Variants in WDR64 observed in about 807,000 individuals in gnomAD.
WDR64 encodes the protein WD repeat-containing protein 64.
In WDR64, 112 loss-of-function variants were observed where a neutral mutation model predicts 139.3. The ratio of observed to expected loss-of-function variants is 0.80; its 90% CI spans 0.69 to 0.94. The LOEUF is 0.94. Ranked by LOEUF, WDR64 falls within the 40% of genes least tolerant of loss-of-function variation. The pLI is 0.00. For synonymous variants in WDR64, 444 were observed against 437.7 expected (o/e 1.01, Z -0.18); for missense variants, 1,206 against 1,293.1 (o/e 0.93, Z 1.03).
chr1:241,741,480 T>C (rs1349639069), intron 11 of WDR64, 36 bp from the exon 12 acceptor site: 3 of 1,560,270 alleles, frequency 1.9e-6, no homozygotes, highest in African/African-American at 2.8e-5. Flanking sequence ...AAACTTCTAA[T>C]ATTGCATATT....
At chr1:241,772,179 T>A (rs573208093) in intron 19 of WDR64, among the ~76,000 whole-genome samples, 1 of 149,286 alleles carries the variant, frequency 6.7e-6, no homozygotes, top group East Asian at 1.9e-4. Flanking sequence ...ATGTATAAGA[T>A]TTATGAATAA....
rs553063429 is a variant in WDR64, at chr1:241,713,823, A to G, written c.1054+1942A>G. ...AAAAGAAAGACTCGACCTCAAAGACATGGGAAATTAATTATTCATAAGACT... is the reference window on the plus strand; with the variant it reads ...AAAAGAAAGACTCGACCTCAAAGACGTGGGAAATTAATTATTCATAAGACT... On this transcript the variant is annotated intron_variant, in intron 9 of 27. Coordinates refer to ENST00000437684, the MANE Select transcript of WDR64 (RefSeq NM_001367482.1). Among the ~76,000 whole-genome samples, 21 of 152,346 alleles carry G rather than the reference A, an allele frequency of 1.4e-4. No homozygotes were observed. In the East Asian group the frequency reaches 3.9e-3, roughly 28 times the overall value.
At chr1:241,790,373 T>C (rs1659177958) in intron 24 of WDR64, among the ~76,000 whole-genome samples, 1 of 151,800 alleles carries the variant, frequency 6.6e-6, no homozygotes, top group Non-Finnish European at 1.5e-5. Context: ...AATAAATAAA[T>C]GGAATGTTCT....
chr1:241,771,567 G>A, intron 18 of WDR64, 94 bp from the exon 19 acceptor site: 1 of 924,046 alleles, frequency 1.1e-6, no homozygotes, highest in South Asian at 2.9e-5. Flanking sequence ...GCTTAGAAAT[G>A]AAAATTCAAC....
chr1:241,750,227 A>C (rs1006173060), intron 14 of WDR64, among the ~76,000 whole-genome samples: 3 of 152,076 alleles, frequency 2.0e-5, no homozygotes, highest in Non-Finnish European at 4.4e-5. Flanking sequence ...TTTTCCTATG[A>C]CTCTATTACC....
In WDR64 at chr1:241,703,819, G is replaced by A. The variant is rs1248078068; in HGVS notation, c.975-7983G>A. Among the ~76,000 whole-genome samples the A allele has an allele frequency of 6.6e-6, 1 of 152,160 alleles. No homozygotes were observed. The highest frequency in any genetic ancestry group is 2.4e-5 in the African/African-American group (1 of 41,440). On this transcript the variant is annotated intron_variant, in intron 8 of 27. Coordinates refer to ENST00000437684, the MANE Select transcript of WDR64 (RefSeq NM_001367482.1). The surrounding 1 kb of genome is among the most constrained non-coding windows in gnomAD (Gnocchi z 5.9). ...GAAACTTACAATCATGGCGGAAGGT[G>A]AAAGGGAAGCAAGGACCTTCTTCAC...
chr1:241,679,890 A>G (rs1666711382), intron 6 of WDR64, among the ~76,000 whole-genome samples: 1 of 152,118 alleles, frequency 6.6e-6, no homozygotes, highest in Non-Finnish European at 1.5e-5. Flanking sequence ...TTCTTTGGGT[A>G]TACTCATGTT....
rs553547275 is a variant in WDR64, at chr1:241,660,458, A to C, written c.146-72A>C. On this transcript the variant is annotated intron_variant, in intron 1 of 27. Transcript: ENST00000437684. ...AAAGAAAATACAAGGTGAGGAAATA[A>C]AAAATGTAGCTGAAATACAAAAGGT... 2.2e-4 allele frequency: 337 copies of C among 1,502,948 alleles called. 2 individuals are homozygous for C. In the African/African-American group the frequency reaches 4.2e-3, roughly 19 times the overall value. 93.1% of individuals were successfully genotyped at this position (1,502,948 alleles called of 1,614,324 possible).
In WDR64 at chr1:241,749,657, G is replaced by C; in HGVS notation, c.1705G>C (p.Ala569Pro). The change falls in exon 14 of 28, where the codon GCC (alanine) becomes CCC (proline). Residue 569 changes from alanine to proline, a missense_variant. Coordinates refer to ENST00000437684, the MANE Select transcript of WDR64 (RefSeq NM_001367482.1). Reference sequence around the variant, plus strand: ...CCTACGACGCCTCATTTTCCTCAAAGCCCAAGAAAAACACCAGCAGCTGGT... The same window carrying C: ...CCTACGACGCCTCATTTTCCTCAAACCCCAAGAAAAACACCAGCAGCTGGT... The part of the protein sequence containing the change: ...HCLRRLIFLK[A>P]QEKHQQLVLA... 1 of 1,614,132 alleles carries C rather than the reference G, an allele frequency of 6.2e-7. No homozygotes were observed. Among genetic ancestry groups the C allele is most frequent in the South Asian group, 1.1e-5 (1 of 91,076 alleles).
intron 10 of WDR64, among the ~76,000 whole-genome samples, chr1:241,738,135 G>T (rs1415291580): frequency 1.3e-5 from 2 of 150,448 alleles, no homozygotes; most frequent in East Asian, 4.0e-4. Context: ...ATTCCTAAAG[G>T]TATACCTTTA....
At chr1:241,795,094 A>G in intron 25 of WDR64, 113 bp from the exon 26 acceptor site, 1 of 735,622 alleles carries the variant, frequency 1.4e-6, no homozygotes, top group Non-Finnish European at 2.2e-6. Context: ...GTAACAGGGA[A>G]GTCCCTTAAG....
chr1:241,690,806 A>G (rs1449597098), intron 8 of WDR64, among the ~76,000 whole-genome samples: 1 of 152,190 alleles, frequency 6.6e-6, no homozygotes, highest in Non-Finnish European at 1.5e-5. Context: ...AGAAAAGAAC[A>G]GCATCAGAGG....
At position 241,737,394 on chromosome 1, in the gene WDR64, T is replaced by C. The variant is rs79823149; in HGVS notation, c.1195-969T>C. Among the ~76,000 whole-genome samples the C allele has an allele frequency of 3.2e-3, 488 of 152,322 alleles. 2 individuals carry two copies. The highest frequency in any genetic ancestry group is 6.8e-3 in the Middle Eastern group (2 of 294). On this transcript the variant is annotated intron_variant, in intron 10 of 27. Coordinates refer to ENST00000437684, the MANE Select transcript of WDR64 (RefSeq NM_001367482.1). ...TATAATGAACTCAATTATAAGTGCC[T>C]CAAATTAGAAGTTAGTAGCTCTCTT... is the stretch of plus-strand genomic sequence containing the variant.
chr1:241,779,920 C>A lies in WDR64; in HGVS notation c.2537-84C>A, dbSNP rs185885810. 52 of 997,872 alleles carry A rather than the reference C, an allele frequency of 5.2e-5. No individual in the cohort carries two copies. In the East Asian group the frequency reaches 1.4e-3, roughly 27 times the overall value. The allele number at this position is 997,872 out of a possible 1,614,324, so 61.8% of individuals were successfully genotyped here. On this transcript the variant is annotated intron_variant, in intron 21 of 27. Transcript: ENST00000437684. ...TCTGTTTTATTCAGCATTATAAATA[C>A]CTAAATCAAAATAACTTTTGGATAG...
In WDR64 at chr1:241,656,831, G is replaced by C. The variant is rs1282809968; in HGVS notation, c.146-3699G>C. On this transcript the variant is annotated intron_variant, in intron 1 of 27. Coordinates refer to ENST00000437684, the MANE Select transcript of WDR64 (RefSeq NM_001367482.1). This position sits in a 1 kb window ranked among gnomAD's most constrained non-coding sequence, Gnocchi z 4.3. ...GATGCCAGTAGCACACCTACTCCTA[G>C]TTGTGACAGTCAAAAATGTCTCAAG... 6.6e-6 allele frequency among the ~76,000 whole-genome samples: 1 copy of C among 151,032 alleles called. No homozygotes were observed. The highest frequency in any genetic ancestry group is 1.5e-5 in the Non-Finnish European group (1 of 67,934).
At position 241,790,715 on chromosome 1, in the gene WDR64, A is replaced by G. The variant is rs750170762; in HGVS notation, c.2997+19A>G. 20 of 1,546,848 alleles carry G rather than the reference A, an allele frequency of 1.3e-5. No individual in the cohort carries two copies. Among genetic ancestry groups the G allele is most frequent in the Non-Finnish European group, 1.7e-5 (19 of 1,147,040 alleles). On this transcript the variant is annotated intron_variant, in intron 25 of 27. Coordinates refer to ENST00000437684, the MANE Select transcript of WDR64 (RefSeq NM_001367482.1). ...TCCTAAGGTAGCTTAAAAAAAAAAA[A>G]AAAAAAGAAATGGCAACAACAACAA...
At chr1:241,752,632 T>C (rs970080478) in intron 14 of WDR64, among the ~76,000 whole-genome samples, 9 of 152,154 alleles carry the variant, frequency 5.9e-5, no homozygotes, top group African/African-American at 2.2e-4. Flanking sequence ...GGAGGATAGC[T>C]TGAGGTTAGG....
At chr1:241,662,067 A>C (rs1665854424) in intron 2 of WDR64, among the ~76,000 whole-genome samples, 1 of 152,244 alleles carries the variant, frequency 6.6e-6, no homozygotes, top group African/African-American at 2.4e-5. Context: ...ATAAGAATTC[A>C]ATAGCCATCC....
chr1:241,707,701 T>G lies in WDR64; in HGVS notation c.975-4101T>G, dbSNP rs529966161. ...CTGTGCAGGCTGTGCCCCCCACAGC[T>G]CTGGGACGCCATCCACAAAGGCTGC... On this transcript the variant is annotated intron_variant, in intron 8 of 27. Coordinates refer to ENST00000437684, the MANE Select transcript of WDR64 (RefSeq NM_001367482.1). 3.5e-3 allele frequency among the ~76,000 whole-genome samples: 527 copies of G among 152,268 alleles called. 1 individual carries two copies. Among genetic ancestry groups the G allele is most frequent in the Middle Eastern group, 6.8e-3 (2 of 294 alleles).
Sources: gnomAD v4.1 joint callset for allele counts (sites outside exome capture counted in the v4.1 genomes callset) on GRCh38, gnomAD v4.1.1 for gene constraint, Gnocchi (gnomAD v3.1) non-coding constraint, MANE v1.5 for transcripts, NCBI Gene and HGNC (gene_info 2026-07-23, HGNC 2026-07-21) for gene names.